OVAAL: variants seen among roughly 807,000 people sequenced by gnomAD.
OVAAL encodes long intergenic non-protein coding RNA 1131.
chr1:180,562,606 C>A (rs1653224083), intron 2 of OVAAL, among the ~76,000 whole-genome samples: 1 of 152,068 alleles, frequency 6.6e-6, no homozygotes. Flanking sequence ...TTTGATAACC[C>A]AGAGAAGAAA....
chr1:180,562,992 T>C (rs548107125), intron 2 of OVAAL, among the ~76,000 whole-genome samples: 5 of 152,346 alleles, frequency 3.3e-5, no homozygotes, highest in African/African-American at 1.2e-4. Flanking sequence ...ACACCAGCTA[T>C]AGATAAACAT....
exon 3 of OVAAL, chr1:180,565,714 A>G (rs996392937): frequency 2.0e-5 from 3 of 152,198 alleles, no homozygotes; most frequent in African/African-American, 7.2e-5. Flanking sequence ...CTGAGTACCT[A>G]CCATGTGCCA....
chr1:180,562,185 G>C (rs1653216957), intron 1 of OVAAL: 1 of 152,348 alleles, frequency 6.6e-6, no homozygotes, highest in Non-Finnish European at 1.5e-5. Context: ...ACTCATCAGA[G>C]CTCCTATTTT....
At chr1:180,560,180 T>C (rs1040494041) in intron 1 of OVAAL, among the ~76,000 whole-genome samples, 16 of 151,954 alleles carry the variant, frequency 1.1e-4, no homozygotes, top group East Asian at 3.9e-4. Flanking sequence ...CCCCAAGATA[T>C]GAGCTGAGGG....
chr1:180,562,612 A>G (rs1653224282), intron 2 of OVAAL, among the ~76,000 whole-genome samples: 1 of 152,210 alleles, frequency 6.6e-6, no homozygotes, highest in Admixed American at 6.5e-5. Flanking sequence ...AACCCAGAGA[A>G]GAAAGCCTGG....
At chr1:180,563,411 T>C (rs576604736) in intron 2 of OVAAL, among the ~76,000 whole-genome samples, 6 of 152,240 alleles carry the variant, frequency 3.9e-5, no homozygotes, top group African/African-American at 1.2e-4. Context: ...GGCAGCAACC[T>C]CAATCGGGGC....
rs1336663644 is a variant in OVAAL at position 180,560,410 on chromosome 1, GTC to G, written n.373-1793_373-1792del. Among the ~76,000 whole-genome samples the G allele has an allele frequency of 3.9e-3, 591 of 152,224 alleles. 4 individuals are homozygous for G. Among genetic ancestry groups the G allele is most frequent in the African/African-American group, 0.014 (565 of 41,520 alleles). On this transcript the variant is annotated intron_variant and non_coding_transcript_variant, in intron 1 of 2. Transcript: ENST00000673955. ...TAGTTAGAATCTACAGGAATGCGAG[GTC>G]ATAGAACCAGGATCATACAAAGTCT... is the stretch of plus-strand genomic sequence containing the variant.
At chr1:180,566,165 C>T (rs1653284829) in exon 3 of OVAAL, 1 of 152,222 alleles carries the variant, frequency 6.6e-6, no homozygotes, top group Admixed American at 6.5e-5. Context: ...GAGTATTTGT[C>T]TCTCACCACC....
At chr1:180,558,975 T>G (rs1653150905) in intron 1 of OVAAL, 1 of 155,504 alleles carries the variant, frequency 6.4e-6, no homozygotes, top group African/African-American at 2.4e-5. Flanking sequence ...TCGTTTTCTC[T>G]TGCCACTGCC....
chr1:180,559,904 TAAA>T (rs35042780), intron 1 of OVAAL, among the ~76,000 whole-genome samples: 8,503 of 140,210 alleles, frequency 0.061, 643 homozygotes, highest in East Asian at 0.3. Context: ...AGACTCCATT[TAAA>T]AAAAAAAAAA....
chr1:180,560,841 A>C (rs1361466152), intron 1 of OVAAL, among the ~76,000 whole-genome samples: 1 of 152,068 alleles, frequency 6.6e-6, no homozygotes, highest in Non-Finnish European at 1.5e-5. Context: ...TAGTAATCAA[A>C]CTCCTTTTAG....
intron 2 of OVAAL, among the ~76,000 whole-genome samples, chr1:180,565,074 C>T (rs994799842): frequency 2.0e-5 from 3 of 152,136 alleles, no homozygotes; most frequent in Non-Finnish European, 2.9e-5. Context: ...GTTAAAATGG[C>T]GGCATGGATG....
chr1:180,564,244 C>T (rs775176044), intron 2 of OVAAL, among the ~76,000 whole-genome samples: 4 of 152,024 alleles, frequency 2.6e-5, no homozygotes, highest in South Asian at 2.1e-4. Flanking sequence ...AGTCTAAAGT[C>T]GGATTGCCAG....
exon 3 of OVAAL, chr1:180,565,767 G>C (rs6678305): frequency 0.37 from 55,963 of 151,836 alleles, 11,468 homozygotes; most frequent in Non-Finnish European, 0.46. Flanking sequence ...AAATAAAACA[G>C]ATATGGTCCC....
intron 1 of OVAAL, among the ~76,000 whole-genome samples, chr1:180,559,904 T>TA (rs35042780): frequency 7.0e-4 from 98 of 140,322 alleles, no homozygotes; most frequent in African/African-American, 9.5e-4. Context: ...AGACTCCATT[T>TA]AAAAAAAAAA....
intron 1 of OVAAL, among the ~76,000 whole-genome samples, chr1:180,560,090 G>A (rs1237106887): frequency 4.6e-5 from 7 of 151,984 alleles, no homozygotes; most frequent in African/African-American, 1.7e-4. Flanking sequence ...TTATTACAGA[G>A]GAAAAAAGTG....
chr1:180,561,633 G>T (rs16856170), intron 1 of OVAAL, among the ~76,000 whole-genome samples: 7,123 of 152,228 alleles, frequency 0.047, 559 homozygotes, highest in African/African-American at 0.16. Flanking sequence ...TGCCCCTAAG[G>T]CTCAGTGGGA....
intron 1 of OVAAL, among the ~76,000 whole-genome samples, chr1:180,561,710 T>C (rs1025501639): frequency 1.4e-5 from 2 of 148,096 alleles, no homozygotes; most frequent in Admixed American, 6.8e-5. Flanking sequence ...CATAATAATT[T>C]TAATTTTATT....
chr1:180,565,225 A>G (rs1246678017), intron 2 of OVAAL: 2 of 152,624 alleles, frequency 1.3e-5, no homozygotes, highest in Non-Finnish European at 2.9e-5. Flanking sequence ...TTCTCTGTTT[A>G]TAACATGTCA....
Sources: allele counts gnomAD v4.1 joint callset (sites outside exome capture counted in the v4.1 genomes callset), GRCh38; gene constraint gnomAD v4.1.1; transcripts MANE v1.5; gene names NCBI Gene and HGNC (gene_info 2026-07-23, HGNC 2026-07-21).